Variants in KLHL1 observed in about 807,000 individuals in gnomAD.
KLHL1 encodes kelch like family member 1.
KLHL1 carries 47 observed loss-of-function variants against 77.7 expected under a neutral mutation model. The observed-to-expected ratio is 0.60, with a 90% confidence interval of 0.48 to 0.77. The LOEUF (loss-of-function observed/expected upper bound fraction) is 0.77. Ranked by LOEUF, KLHL1 falls within the 30% of genes least tolerant of loss-of-function variation. The pLI, the probability that KLHL1 is intolerant of heterozygous loss-of-function variation, is 0.00. For synonymous variants in KLHL1, 360 were observed against 325.2 expected (o/e 1.11, Z -1.15); for missense variants, 925 against 910.8 (o/e 1.02, Z -0.20).
intron 1 of KLHL1, among the ~76,000 whole-genome samples, chr13:70,002,271 A>G (rs1885311487): frequency 6.6e-6 from 1 of 151,682 alleles, no homozygotes; most frequent in South Asian, 2.1e-4. Context: ...GCATGTTTGA[A>G]CAGCAGACAA....
intron 1 of KLHL1, among the ~76,000 whole-genome samples, chr13:70,019,428 C>T (rs1239857534): frequency 6.6e-6 from 1 of 152,114 alleles, no homozygotes; most frequent in East Asian, 1.9e-4. Context: ...CACCAGCTAG[C>T]TTCACTTATC....
intron 1 of KLHL1, among the ~76,000 whole-genome samples, chr13:70,039,362 G>C (rs184100644): frequency 6.6e-6 from 1 of 152,188 alleles, no homozygotes; most frequent in Non-Finnish European, 1.5e-5. Context: ...GGGATTACAG[G>C]AATGAGTCAC....
At chr13:69,983,991 A>G (rs1192493509) in intron 1 of KLHL1, among the ~76,000 whole-genome samples, 3 of 152,150 alleles carry the variant, frequency 2.0e-5, no homozygotes, top group Non-Finnish European at 4.4e-5. Flanking sequence ...ATCTCTCACT[A>G]CTTAAAGTCA....
At chr13:69,919,956 T>C (rs1268554246) in intron 4 of KLHL1, among the ~76,000 whole-genome samples, 1 of 152,200 alleles carries the variant, frequency 6.6e-6, no homozygotes, top group African/African-American at 2.4e-5. Context: ...CAGAAGCCAC[T>C]TCTTCACATA....
At chr13:69,962,391 A>G (rs1435029012) in intron 2 of KLHL1, among the ~76,000 whole-genome samples, 2 of 152,102 alleles carry the variant, frequency 1.3e-5, no homozygotes, top group Non-Finnish European at 2.9e-5. Context: ...AGATGACTAC[A>G]TCATCTGCAA....
chr13:70,029,391 C>A (rs183055231), intron 1 of KLHL1, among the ~76,000 whole-genome samples: 1 of 152,142 alleles, frequency 6.6e-6, no homozygotes, highest in African/African-American at 2.4e-5. Context: ...GAAGGTGAAG[C>A]CTGATATTTG....
At chr13:69,816,936 C>A (rs1215694676) in intron 6 of KLHL1, among the ~76,000 whole-genome samples, 1 of 151,626 alleles carries the variant, frequency 6.6e-6, no homozygotes, top group East Asian at 1.9e-4. Flanking sequence ...CCAGCCTGGG[C>A]AACAAAGCGA....
chr13:69,879,684 T>C (rs999372032), intron 5 of KLHL1, among the ~76,000 whole-genome samples: 2 of 152,022 alleles, frequency 1.3e-5, no homozygotes, highest in Non-Finnish European at 2.9e-5. Context: ...TCAATTAAAC[T>C]TTTTTTTCAT....
chr13:70,060,708 T>C (rs185449066), intron 1 of KLHL1, among the ~76,000 whole-genome samples: 2 of 151,966 alleles, frequency 1.3e-5, no homozygotes, highest in East Asian at 3.9e-4. Context: ...TAGCTGGGCA[T>C]GGTGGTATGC....
chr13:69,738,589 A>T (rs1470716158), intron 8 of KLHL1, among the ~76,000 whole-genome samples: 4 of 152,134 alleles, frequency 2.6e-5, no homozygotes, highest in Non-Finnish European at 5.9e-5. Context: ...GTCACAACAG[A>T]ACTTTACAAT....
intron 4 of KLHL1, among the ~76,000 whole-genome samples, chr13:69,897,079 A>T (rs1291802527): frequency 6.6e-6 from 1 of 152,186 alleles, no homozygotes; most frequent in East Asian, 1.9e-4. Context: ...TATCTAGTCA[A>T]CCGAACCCCT....
intron 3 of KLHL1, among the ~76,000 whole-genome samples, chr13:69,958,484 A>T (rs1780635179): frequency 6.6e-6 from 1 of 151,716 alleles, no homozygotes; most frequent in South Asian, 2.1e-4. Context: ...CTTATCTCAA[A>T]CATTCATTCT....
intron 8 of KLHL1, among the ~76,000 whole-genome samples, chr13:69,723,274 C>T (rs73522030): frequency 0.013 from 2,031 of 152,036 alleles, 58 homozygotes; most frequent in African/African-American, 0.046. Context: ...AGAGTGACTA[C>T]GACTAACAAT....
chr13:69,819,291 T>G (rs1878245664), intron 6 of KLHL1, among the ~76,000 whole-genome samples: 1 of 152,230 alleles, frequency 6.6e-6, no homozygotes, highest in Non-Finnish European at 1.5e-5. Context: ...TCCTTAAAGT[T>G]ATGTAATTTA....
chr13:70,041,935 T>G (rs910192922), intron 1 of KLHL1, among the ~76,000 whole-genome samples: 1 of 152,024 alleles, frequency 6.6e-6, no homozygotes, highest in Non-Finnish European at 1.5e-5. Flanking sequence ...GGGCTGCAGG[T>G]TTTTTGTTGT....
intron 4 of KLHL1, among the ~76,000 whole-genome samples, chr13:69,897,405 A>G (rs899910648): frequency 6.6e-6 from 1 of 152,212 alleles, no homozygotes; most frequent in Non-Finnish European, 1.5e-5. Flanking sequence ...CCTTGACATC[A>G]ACGGACATTC....
chr13:69,965,374 A>G (rs1884183239), intron 2 of KLHL1, among the ~76,000 whole-genome samples: 1 of 152,140 alleles, frequency 6.6e-6, no homozygotes, highest in Admixed American at 6.6e-5. Flanking sequence ...TGATGTTACA[A>G]TTGTTCTTGT....
intron 2 of KLHL1, among the ~76,000 whole-genome samples, chr13:69,972,281 A>C (rs1884404670): frequency 1.3e-5 from 2 of 151,976 alleles, no homozygotes; most frequent in Non-Finnish European, 2.9e-5. Context: ...AACTGTCTAC[A>C]TACTAGTGCA....
intron 2 of KLHL1, among the ~76,000 whole-genome samples, chr13:69,965,504 T>C (rs1223560377): frequency 6.6e-6 from 1 of 152,162 alleles, no homozygotes. Context: ...CCCTGTTCCC[T>C]GAGACACAAT....
Sources: allele counts gnomAD v4.1 joint callset (sites outside exome capture counted in the v4.1 genomes callset), GRCh38; gene constraint gnomAD v4.1.1; transcripts MANE v1.5; gene names NCBI Gene and HGNC (gene_info 2026-07-23, HGNC 2026-07-21).